CLSTN2: variants seen among roughly 807,000 people sequenced by gnomAD.
CLSTN2 encodes calsyntenin 2.
A neutral mutation model predicts 101.2 loss-of-function variants in CLSTN2; 48 were observed. The ratio of observed to expected loss-of-function variants is 0.47; its 90% CI spans 0.38 to 0.60. CLSTN2 has a LOEUF of 0.60. Among genes scored for constraint, CLSTN2 ranks in the 20% least tolerant of loss-of-function variants. The pLI is 0.00. For synonymous variants in CLSTN2, 481 were observed against 463.6 expected (o/e 1.04, Z -0.48); for missense variants, 1,160 against 1,238.2 (o/e 0.94, Z 0.95).
intron 2 of CLSTN2, among the ~76,000 whole-genome samples, chr3:140,369,866 AGCCAGTAG>A (rs1231309588): frequency 3.9e-5 from 6 of 152,246 alleles, no homozygotes; most frequent in Non-Finnish European, 5.9e-5. Context: ...CACCCAAAGC[AGCCAGTAG>A]GCTCCCTGTA....
At chr3:139,992,096 G>A (rs1314868883) in intron 1 of CLSTN2, among the ~76,000 whole-genome samples, 3 of 152,152 alleles carry the variant, frequency 2.0e-5, no homozygotes, top group Admixed American at 6.5e-5. Context: ...AATGGAAATC[G>A]ACAAGTATTC....
At chr3:140,565,561 A>G (rs1008764958) in intron 16 of CLSTN2, among the ~76,000 whole-genome samples, 8 of 152,192 alleles carry the variant, frequency 5.3e-5, no homozygotes, top group East Asian at 1.9e-4. Context: ...TTCCAAAGGA[A>G]TATTTTTGAG....
At chr3:140,178,332 A>T (rs2010356007) in intron 2 of CLSTN2, among the ~76,000 whole-genome samples, 1 of 152,206 alleles carries the variant, frequency 6.6e-6, no homozygotes, top group Admixed American at 6.5e-5. Flanking sequence ...AGAAGAATTA[A>T]ATGTTTCATC....
At chr3:140,271,415 G>A (rs372279641) in intron 2 of CLSTN2, among the ~76,000 whole-genome samples, 1 of 152,268 alleles carries the variant, frequency 6.6e-6, no homozygotes, top group Admixed American at 6.5e-5. Flanking sequence ...AGTGTATTAT[G>A]TACATGGCAA....
intron 2 of CLSTN2, among the ~76,000 whole-genome samples, chr3:140,373,876 C>T (rs1024116312): frequency 2.0e-5 from 3 of 152,234 alleles, no homozygotes; most frequent in African/African-American, 7.2e-5. Context: ...GGGCCATTAA[C>T]ACCTGCCAGG....
chr3:140,231,755 T>C (rs2086373764), intron 2 of CLSTN2, among the ~76,000 whole-genome samples: 1 of 152,206 alleles, frequency 6.6e-6, no homozygotes, highest in African/African-American at 2.4e-5. Context: ...TTTAGATTGT[T>C]TTTGAATTGT....
intron 2 of CLSTN2, among the ~76,000 whole-genome samples, chr3:140,310,670 A>G (rs922546308): frequency 4.0e-5 from 6 of 151,724 alleles, no homozygotes; most frequent in South Asian, 2.1e-4. Flanking sequence ...ATTCTATTCT[A>G]TTTTATTTTT....
Position 140,069,613 on chromosome 3 carries a change from T to C in CLSTN2, c.110-106338T>C, listed in dbSNP as rs189525153. On this transcript the variant is annotated intron_variant, in intron 1 of 16. Transcript: ENST00000458420. ...TCTCCACTAATCCCTATAGCCATGCTTGGGAGGTGTTCATGTTGCCCTTTT... is the reference window on the plus strand; with the variant it reads ...TCTCCACTAATCCCTATAGCCATGCCTGGGAGGTGTTCATGTTGCCCTTTT... Among the ~76,000 whole-genome samples the C allele has an allele frequency of 4.6e-5, 7 of 152,364 alleles. No homozygotes were observed. The East Asian group carries it at 5.8e-4, about 13-fold the overall frequency.
intron 2 of CLSTN2, among the ~76,000 whole-genome samples, chr3:140,214,889 T>C (rs1216060149): frequency 1.3e-5 from 2 of 152,254 alleles, no homozygotes; most frequent in Non-Finnish European, 2.9e-5. Flanking sequence ...TTGAAGTCTT[T>C]ATACAACATA....
rs750088450 is a variant in CLSTN2 at position 140,311,287 on chromosome 3, CTTTTTTTTTTTTTTTTTTTTTT to C, written c.233-92327_233-92306del. Among the ~76,000 whole-genome samples, 27 of 52,080 alleles carry C rather than the reference CTTTTTTTTTTTTTTTTTTTTTT, an allele frequency of 5.2e-4. 1 individual carries two copies. In the South Asian group the frequency reaches 7.0e-3, roughly 14 times the overall value. 34.2% of individuals were successfully genotyped at this position (52,080 alleles called of 152,430 possible). ...ATAATAACAGCTAAGGTTTATTATC[CTTTTTTTTTTTTTTTTTTTTTT>C]TTTTTTTTTTTTTTGAGACAGAGTC... On this transcript the variant is annotated intron_variant, in intron 2 of 16. Coordinates refer to ENST00000458420, the MANE Select transcript of CLSTN2 (RefSeq NM_022131.3).
chr3:140,089,627 T>TA (rs1375077287), intron 1 of CLSTN2, among the ~76,000 whole-genome samples: 25 of 149,238 alleles, frequency 1.7e-4, no homozygotes, highest in African/African-American at 5.5e-4. Flanking sequence ...TTTATTTATT[T>TA]TTGAGACTGG....
chr3:140,060,172 C>T (rs1170429625), intron 1 of CLSTN2, among the ~76,000 whole-genome samples: 6 of 152,210 alleles, frequency 3.9e-5, no homozygotes, highest in Admixed American at 3.3e-4. Context: ...TTTCTTGCAT[C>T]GTTATGCCTT....
At chr3:140,356,234 C>G (rs1315833686) in intron 2 of CLSTN2, among the ~76,000 whole-genome samples, 5 of 152,132 alleles carry the variant, frequency 3.3e-5, no homozygotes, top group African/African-American at 1.2e-4. Flanking sequence ...AGAATAGAAA[C>G]AAATCATCAT....
At chr3:140,276,407 G>C (rs2086795889) in intron 2 of CLSTN2, among the ~76,000 whole-genome samples, 1 of 152,168 alleles carries the variant, frequency 6.6e-6, no homozygotes, top group African/African-American at 2.4e-5. Flanking sequence ...GCTCAGTTAT[G>C]AGTAAGGGTC....
intron 1 of CLSTN2, among the ~76,000 whole-genome samples, chr3:140,102,683 C>G (rs780269593): frequency 9.2e-5 from 14 of 152,156 alleles, no homozygotes; most frequent in Non-Finnish European, 1.6e-4. Context: ...GTATGAGAGG[C>G]TGGGGAACAG....
chr3:140,460,148 G>C, intron 7 of CLSTN2: 1 of 224,952 alleles, frequency 4.4e-6, no homozygotes, highest in Non-Finnish European at 9.0e-6. Flanking sequence ...CACCTTTACT[G>C]TATTAGATAC....
chr3:140,062,878 C>G (rs1688502623), intron 1 of CLSTN2, among the ~76,000 whole-genome samples: 1 of 152,068 alleles, frequency 6.6e-6, no homozygotes, highest in South Asian at 2.1e-4. Flanking sequence ...TCTGATGAAG[C>G]CCCTATGTAC....
At chr3:140,159,515 A>T (rs1171311531) in intron 1 of CLSTN2, among the ~76,000 whole-genome samples, 1 of 152,074 alleles carries the variant, frequency 6.6e-6, no homozygotes, top group Non-Finnish European at 1.5e-5. Flanking sequence ...AAAACAAAAA[A>T]CAGAGGCTGG....
At chr3:140,507,319 A>G (rs1240155441) in intron 8 of CLSTN2, 1 of 152,210 alleles carries the variant, frequency 6.6e-6, no homozygotes, top group Non-Finnish European at 1.5e-5. Flanking sequence ...AAATGTAACT[A>G]ACTCTCCTGA....
Sources: allele counts gnomAD v4.1 joint callset (sites outside exome capture counted in the v4.1 genomes callset), GRCh38; gene constraint gnomAD v4.1.1; transcripts MANE v1.5; gene names NCBI Gene and HGNC (gene_info 2026-07-23, HGNC 2026-07-21).